Variants in ZNF609 observed in about 807,000 individuals in gnomAD.
ZNF609 encodes the protein zinc finger protein 609.
ZNF609 carries 11 observed loss-of-function variants against 109.5 expected under a neutral mutation model. That is an observed-to-expected ratio of 0.10 (90% CI 0.06 to 0.17). The LOEUF (loss-of-function observed/expected upper bound fraction) is 0.17, where lower values mean the gene tolerates loss of function less well. Among genes scored for constraint, ZNF609 ranks in the 10% least tolerant of loss-of-function variants. The pLI is 1.00. For synonymous variants in ZNF609, 646 were observed against 662.0 expected, an observed-to-expected ratio of 0.98 and a Z score of 0.37; for missense variants, 1,559 against 1,772.4, an observed-to-expected ratio of 0.88 and a Z score of 2.16.
At chr15:64,632,166 C>T (rs375118111) in intron 3 of ZNF609, among the ~76,000 whole-genome samples, 52 of 152,232 alleles carry the variant, frequency 3.4e-4, no homozygotes, top group Middle Eastern at 3.4e-3. Context: ...GATCCTCCCA[C>T]GTCAGCCTCC....
intron 2 of ZNF609, among the ~76,000 whole-genome samples, chr15:64,602,716 C>CTTTTTTTTTTTTTTTTT (rs10600561): frequency 3.6e-5 from 2 of 55,572 alleles, no homozygotes; most frequent in African/African-American, 1.3e-4. Context: ...TTTTTTCTTT[C>CTTTTTTTTTTTTTTTTT]TTTTTTTTTT....
In ZNF609 at chr15:64,516,550, G is replaced by T. The variant is rs188089833; in HGVS notation, c.747+16384G>T. Among the ~76,000 whole-genome samples, 1,371 of 152,088 alleles carry T rather than the reference G, an allele frequency of 9.0e-3. 20 individuals are homozygous for T. The highest frequency in any genetic ancestry group is 0.031 in the African/African-American group (1,291 of 41,494). ...CACCACCCACACCCGGCTAATTTTT[G>T]TATTTTTGGTAGAGATGGGGTTTCA... On this transcript the variant is annotated intron_variant, in intron 2 of 9. Coordinates refer to ENST00000326648, the MANE Select transcript of ZNF609 (RefSeq NM_015042.2).
rs1247301726 is a variant in ZNF609, at chr15:64,622,866, C to G, written c.787C>G (p.His263Asp). Residue 263 changes from histidine (H) to aspartate (D), a missense_variant, in exon 3 of 10, where the codon CAC (histidine) becomes GAC (aspartate). Transcript: ENST00000326648. Reference sequence around the variant, plus strand: ...TTCCACACCAGCAGTGCTGCCAATACACCTTTTGGTGCCAGTGGTCAACAA... The same window carrying G: ...TTCCACACCAGCAGTGCTGCCAATAGACCTTTTGGTGCCAGTGGTCAACAA... Reference protein sequence around the residue: ...PVSTPAVLPIHLLVPVVNNDI... With the variant: ...PVSTPAVLPIDLLVPVVNNDI... 1 of 1,614,262 alleles carries G rather than the reference C, an allele frequency of 6.2e-7. No individual in the cohort carries two copies. Among genetic ancestry groups the G allele is most frequent in the Non-Finnish European group, 8.5e-7 (1 of 1,180,040 alleles).
chr15:64,646,503 A>C (rs182111495), intron 3 of ZNF609, among the ~76,000 whole-genome samples: 1 of 151,378 alleles, frequency 6.6e-6, no homozygotes, highest in African/African-American at 2.4e-5. Context: ...GTTTGGTGGC[A>C]CACACCTGTA....
chr15:64,541,839 CAAAAAA>C (rs59597800), intron 2 of ZNF609, among the ~76,000 whole-genome samples: 1,445 of 42,158 alleles, frequency 0.034, 24 homozygotes, highest in African/African-American at 0.12. Context: ...GACTCCAACT[CAAAAAA>C]AAAAAAAAAA....
chr15:64,675,375 A>G lies in ZNF609; in HGVS notation c.2521A>G (p.Asn841Asp), dbSNP rs766023463. 1 of 1,614,136 alleles carries G rather than the reference A, an allele frequency of 6.2e-7. No homozygotes were observed. The highest frequency in any genetic ancestry group is 8.5e-7 in the Non-Finnish European group (1 of 1,180,012). The change falls in exon 5 of 10, where the codon AAC (asparagine) becomes GAC (aspartate). Residue 841 changes from asparagine (N) to aspartate (D), a missense_variant. Around this residue, in one of 4 missense-constraint regions of ZNF609, gnomAD observed 1,204 missense variants for 1,314.1 expected, o/e 0.92. Coordinates refer to ENST00000326648, the MANE Select transcript of ZNF609 (RefSeq NM_015042.2). Reference protein sequence around the residue: ...NGAEASSVKTNSPAYSDISDA... With the variant: ...NGAEASSVKTDSPAYSDISDA... ...AGCTGAAGCCAGCTCAGTCAAAACC[A>G]ACAGCCCTGCATACTCTGACATCTC...
At chr15:64,566,089 G>C (rs1894772897) in intron 2 of ZNF609, among the ~76,000 whole-genome samples, 3 of 152,220 alleles carry the variant, frequency 2.0e-5, no homozygotes, top group African/African-American at 7.2e-5. Context: ...GGCTCAAGCA[G>C]TTCTCCCGCC....
intron 2 of ZNF609, among the ~76,000 whole-genome samples, chr15:64,614,824 T>C (rs1895773924): frequency 7.0e-6 from 1 of 143,430 alleles, no homozygotes; most frequent in Non-Finnish European, 1.5e-5. Context: ...TTTTTTTTTT[T>C]TTTTTTTTTT....
chr15:64,656,272 C>T (rs1211058938), intron 3 of ZNF609, among the ~76,000 whole-genome samples: 1 of 152,130 alleles, frequency 6.6e-6, no homozygotes, highest in Non-Finnish European at 1.5e-5. Context: ...CCATGTTGCC[C>T]AGGCTGGTCT....
At chr15:64,504,334 C>T (rs974186888) in intron 2 of ZNF609, among the ~76,000 whole-genome samples, 2 of 152,176 alleles carry the variant, frequency 1.3e-5, no homozygotes, top group Non-Finnish European at 2.9e-5. Context: ...GTGACTTGCC[C>T]AGCATCTCAC....
chr15:64,515,205 G>A (rs1893788664), intron 2 of ZNF609, among the ~76,000 whole-genome samples: 1 of 152,154 alleles, frequency 6.6e-6, no homozygotes, highest in Admixed American at 6.5e-5. Context: ...TGACAGTGAG[G>A]TGTTTTACCC....
At chr15:64,629,460 C>T (rs969778410) in intron 3 of ZNF609, among the ~76,000 whole-genome samples, 1 of 152,084 alleles carries the variant, frequency 6.6e-6, no homozygotes, top group African/African-American at 2.4e-5. Context: ...ATGATGACAT[C>T]GCAATGGAAT....
In ZNF609 at chr15:64,595,041, T is replaced by C. The variant is rs532955639; in HGVS notation, c.748-27786T>C. Among the ~76,000 whole-genome samples, 3 of 146,448 alleles carry C rather than the reference T, an allele frequency of 2.0e-5. No homozygotes were observed. In the South Asian group the frequency reaches 6.5e-4, roughly 32 times the overall value. On this transcript the variant is annotated intron_variant, in intron 2 of 9. Transcript: ENST00000326648. ...AGAAAAAAGAAAAGAATGTGTCTCTTTCTACTGGGTTTGGAGCTGTGAGTT... is the reference window on the plus strand; with the variant it reads ...AGAAAAAAGAAAAGAATGTGTCTCTCTCTACTGGGTTTGGAGCTGTGAGTT...
chr15:64,517,122 A>G (rs1352553687), intron 2 of ZNF609, among the ~76,000 whole-genome samples: 1 of 152,070 alleles, frequency 6.6e-6, no homozygotes, highest in Non-Finnish European at 1.5e-5. Flanking sequence ...ACTCCTATAA[A>G]CCCAGCACTT....
chr15:64,645,058 TTCC>T, intron 3 of ZNF609, among the ~76,000 whole-genome samples: 2 of 135,484 alleles, frequency 1.5e-5, no homozygotes, highest in Non-Finnish European at 1.6e-5. Flanking sequence ...TCTTCCTTTC[TTCC>T]TTCCTTCCTT....
intron 1 of ZNF609, among the ~76,000 whole-genome samples, chr15:64,487,456 G>T (rs1265969551): frequency 1.3e-5 from 2 of 152,070 alleles, no homozygotes; most frequent in South Asian, 4.2e-4. Flanking sequence ...TTTTCCATGT[G>T]TATACAGATA....
chr15:64,461,066 G>A (rs1319440928), intron 1 of ZNF609, among the ~76,000 whole-genome samples: 2 of 149,424 alleles, frequency 1.3e-5, no homozygotes, highest in Non-Finnish European at 3.0e-5. Flanking sequence ...AGTTCAAAGC[G>A]TGGCCACGGC....
At position 64,621,269 on chromosome 15, in the gene ZNF609, A is replaced by G. The variant is rs567155659; in HGVS notation, c.748-1558A>G. On this transcript the variant is annotated intron_variant, in intron 2 of 9. Coordinates refer to ENST00000326648, the MANE Select transcript of ZNF609 (RefSeq NM_015042.2). The stretch of plus-strand genomic sequence containing the variant: ...ATGCTCATTCAGGATTGGGGCATCA[A>G]TCACTCGAGCATAATAGACTTTGTC... Among the ~76,000 whole-genome samples the G allele has an allele frequency of 1.2e-4, 19 of 152,332 alleles. No individual in the cohort carries two copies. In the South Asian group the frequency reaches 1.7e-3, roughly 13 times the overall value.
In ZNF609 at chr15:64,609,983, G is replaced by A. The variant is rs985007034; in HGVS notation, c.748-12844G>A. ...TCAGAGATCAAGCCACTGCACTCCA[G>A]CCTGGGTGACAGCATGAGATGCTAT... is the stretch of plus-strand genomic sequence containing the variant. On this transcript the variant is annotated intron_variant, in intron 2 of 9. Coordinates refer to ENST00000326648, the MANE Select transcript of ZNF609 (RefSeq NM_015042.2). 3.6e-4 allele frequency among the ~76,000 whole-genome samples: 54 copies of A among 152,016 alleles called. 1 individual carries two copies. The highest frequency in any genetic ancestry group is 1.2e-3 in the African/African-American group (48 of 41,454).
Sources: gnomAD v4.1 joint callset for allele counts (sites outside exome capture counted in the v4.1 genomes callset) on GRCh38, gnomAD v4.1.1 for gene constraint, gnomAD v4.1.1 regional missense constraint, MANE v1.5 for transcripts, NCBI Gene and HGNC (gene_info 2026-07-23, HGNC 2026-07-21) for gene names.